FTO: variants seen among roughly 807,000 people sequenced by gnomAD.
FTO encodes FTO alpha-ketoglutarate dependent dioxygenase.
A neutral mutation model predicts 63.9 loss-of-function variants in FTO; 47 were observed. The ratio of observed to expected loss-of-function variants is 0.74; its 90% confidence interval spans 0.58 to 0.94. The LOEUF is 0.94. FTO is among the 40% of genes least tolerant of loss of function. The pLI is 0.00. For missense variants in FTO, 562 were observed against 618.1 expected (o/e 0.91, Z 0.96); for synonymous variants, 207 against 224.4 (o/e 0.92, Z 0.69).
intron 7 of FTO, among the ~76,000 whole-genome samples, chr16:53,891,662 C>T (rs866053902): frequency 2.0e-5 from 3 of 151,978 alleles, no homozygotes; most frequent in African/African-American, 7.2e-5. Context: ...CCTTGTCTCA[C>T]GTACACACAC....
intron 8 of FTO, among the ~76,000 whole-genome samples, chr16:54,017,221 T>C (rs1484551128): frequency 6.6e-6 from 1 of 152,164 alleles, no homozygotes; most frequent in Non-Finnish European, 1.5e-5. Flanking sequence ...ATCCATCAAT[T>C]TTTTATCGAC....
intron 8 of FTO, among the ~76,000 whole-genome samples, chr16:53,949,187 C>A (rs1164198140): frequency 6.6e-6 from 1 of 152,186 alleles, no homozygotes; most frequent in African/African-American, 2.4e-5. Context: ...TCTCCTGTTA[C>A]ACCCTTGAGC....
rs1324649034 is a variant in FTO at position 53,956,674 on chromosome 16, A to C, written c.1364+22565A>C. Reference sequence around the variant, plus strand: ...TCCTTTTTTTTTTTTCTTCTTTTTTATTTTTTAGATGGAGTTTCATTCTCG... The same window carrying C: ...TCCTTTTTTTTTTTTCTTCTTTTTTCTTTTTTAGATGGAGTTTCATTCTCG... On this transcript the variant is annotated intron_variant, in intron 8 of 8. Transcript: ENST00000471389. The C allele has an allele frequency of 6.8e-5, 9 of 133,212 alleles. No individual in the cohort carries two copies. The East Asian group carries it at 1.9e-3, about 29-fold the overall frequency. 8.3% of individuals were successfully genotyped at this position (133,212 alleles called of 1,614,324 possible).
intron 8 of FTO, chr16:53,937,244 C>T: frequency 2.5e-6 from 1 of 398,570 alleles, no homozygotes; most frequent in Middle Eastern, 6.3e-4. Flanking sequence ...TATTCACTTC[C>T]CCAGAGTTGA....
At chr16:54,078,333 G>A (rs891063265) in intron 8 of FTO, among the ~76,000 whole-genome samples, 2 of 143,224 alleles carry the variant, frequency 1.4e-5, no homozygotes, top group Non-Finnish European at 3.0e-5. Context: ...ATATTATTTA[G>A]TAAAATAGTA....
At chr16:53,845,315 T>C (rs1441505268) in intron 4 of FTO, among the ~76,000 whole-genome samples, 1 of 152,192 alleles carries the variant, frequency 6.6e-6, no homozygotes, top group East Asian at 1.9e-4. Context: ...TGATAACAGT[T>C]GATTCCCAGT....
chr16:53,983,694 G>A (rs910159023), intron 8 of FTO, among the ~76,000 whole-genome samples: 1 of 152,142 alleles, frequency 6.6e-6, no homozygotes, highest in East Asian at 1.9e-4. Flanking sequence ...AGGGGTTGGT[G>A]TAATACATTA....
chr16:53,829,551 A>G (rs758636120), intron 3 of FTO, among the ~76,000 whole-genome samples: 3 of 152,250 alleles, frequency 2.0e-5, no homozygotes, highest in Non-Finnish European at 4.4e-5. Flanking sequence ...TGCCAGAACT[A>G]TGGCAAAGGT....
At chr16:53,964,565 A>G (rs2083155177) in intron 8 of FTO, among the ~76,000 whole-genome samples, 1 of 152,214 alleles carries the variant, frequency 6.6e-6, no homozygotes, top group East Asian at 1.9e-4. Context: ...TTGTTTAAGC[A>G]CATACTAAAA....
At chr16:54,017,842 A>G (rs1289054287) in intron 8 of FTO, among the ~76,000 whole-genome samples, 2 of 152,150 alleles carry the variant, frequency 1.3e-5, no homozygotes, top group Non-Finnish European at 2.9e-5. Context: ...GACATTTTCA[A>G]TCAGCCTCGC....
At chr16:53,759,339 G>A (rs934205706) in intron 1 of FTO, among the ~76,000 whole-genome samples, 3 of 152,188 alleles carry the variant, frequency 2.0e-5, no homozygotes, top group Non-Finnish European at 4.4e-5. Flanking sequence ...AGGTGGTCCA[G>A]TATTTAACTC....
intron 3 of FTO, among the ~76,000 whole-genome samples, chr16:53,829,690 C>T (rs976896684): frequency 3.3e-5 from 5 of 152,078 alleles, no homozygotes; most frequent in African/African-American, 1.2e-4. Flanking sequence ...TGTCAATGAG[C>T]TGTTCTAGAC....
chr16:54,057,349 C>T (rs1228298106), intron 8 of FTO, among the ~76,000 whole-genome samples: 1 of 152,248 alleles, frequency 6.6e-6, no homozygotes, highest in Non-Finnish European at 1.5e-5. Flanking sequence ...ATCCCATGAT[C>T]AACGTGACTC....
chr16:53,896,858 C>T (rs1008471951), intron 7 of FTO, among the ~76,000 whole-genome samples: 4 of 152,122 alleles, frequency 2.6e-5, no homozygotes, highest in African/African-American at 7.2e-5. Flanking sequence ...TCTTGCAATG[C>T]GTCTATCCAC....
chr16:53,852,063 C>T (rs571555105), intron 4 of FTO, among the ~76,000 whole-genome samples: 1 of 136,468 alleles, frequency 7.3e-6, no homozygotes, highest in African/African-American at 2.8e-5. Flanking sequence ...TGAGTCCAGC[C>T]TGGGCAACAT....
At chr16:53,996,371 T>C (rs1017034289) in intron 8 of FTO, among the ~76,000 whole-genome samples, 3 of 152,220 alleles carry the variant, frequency 2.0e-5, no homozygotes, top group African/African-American at 7.2e-5. Context: ...TTAAGAAATT[T>C]GGTGGCTGGC....
At chr16:53,776,784 T>C (rs1389112564) in intron 1 of FTO, among the ~76,000 whole-genome samples, 1 of 152,196 alleles carries the variant, frequency 6.6e-6, no homozygotes, top group Non-Finnish European at 1.5e-5. Flanking sequence ...TGTTGAAATA[T>C]GTTGTTTTGG....
intron 8 of FTO, chr16:53,935,610 T>G (rs2082370576): frequency 6.6e-6 from 1 of 152,188 alleles, no homozygotes; most frequent in Admixed American, 6.5e-5. Context: ...GATCTTGTCA[T>G]GTTGCCCAGG....
chr16:54,011,593 T>C (rs2084335676), intron 8 of FTO, among the ~76,000 whole-genome samples: 1 of 152,326 alleles, frequency 6.6e-6, no homozygotes, highest in Non-Finnish European at 1.5e-5. Context: ...GAAACCTGCA[T>C]TGAGTAAGTC....
Sources: gnomAD v4.1 joint callset for allele counts (sites outside exome capture counted in the v4.1 genomes callset) on GRCh38, gnomAD v4.1.1 for gene constraint, MANE v1.5 for transcripts, NCBI Gene and HGNC (gene_info 2026-07-23, HGNC 2026-07-21) for gene names.